The following TMEM17 variants were observed in gnomAD, a reference collection of about 807,000 sequenced individuals.
TMEM17 encodes the protein transmembrane protein 17.
In TMEM17, 15 loss-of-function variants were observed where a neutral mutation model predicts 19.1. That is an observed-to-expected ratio of 0.78 (90% confidence interval 0.52 to 1.21). The LOEUF is 1.21. Among genes scored for constraint, TMEM17 ranks in the 50% most tolerant of loss-of-function variants. The pLI is 0.00. For synonymous variants in TMEM17, 103 were observed against 86.9 expected, an observed-to-expected ratio of 1.19 and a Z score of -1.03; for missense variants, 245 against 242.3, an observed-to-expected ratio of 1.01 and a Z score of -0.07.
the TMEM17 span, among the ~76,000 whole-genome samples, chr2:62,458,632 G>A: frequency 1.3e-5 from 2 of 152,214 alleles, no homozygotes; most frequent in Admixed American, 6.5e-5. Context: ...TGGCTCTGGC[G>A]ATTCAGACCG....
chr2:62,461,555 T>C, the TMEM17 span, among the ~76,000 whole-genome samples: 4 of 152,034 alleles, frequency 2.6e-5, no homozygotes, highest in African/African-American at 7.3e-5. Flanking sequence ...AGGTACCTGG[T>C]TTTTTGCAGG....
chr2:62,478,221 C>T, the TMEM17 span, among the ~76,000 whole-genome samples: 1 of 152,168 alleles, frequency 6.6e-6, no homozygotes, highest in South Asian at 2.1e-4. Context: ...TGAGGGATGC[C>T]TTGACGGAGC....
intron 1 of TMEM17, among the ~76,000 whole-genome samples, chr2:62,505,188 T>TCC (rs1680031981): frequency 1.3e-5 from 2 of 152,184 alleles, no homozygotes; most frequent in South Asian, 4.2e-4. Flanking sequence ...GATTGATATT[T>TCC]CCCAGCAGAG....
At chr2:62,478,321 G>A in the TMEM17 span, among the ~76,000 whole-genome samples, 7 of 152,234 alleles carry the variant, frequency 4.6e-5, no homozygotes, top group South Asian at 4.1e-4. Flanking sequence ...TGCTTGTAAC[G>A]AGTTCCCTGC....
chr2:62,478,588 G>C, the TMEM17 span, among the ~76,000 whole-genome samples: 1 of 152,120 alleles, frequency 6.6e-6, no homozygotes, highest in African/African-American at 2.4e-5. Flanking sequence ...TCTTCCTTTT[G>C]GCTCAGGCAT....
intron 1 of TMEM17, 88 bp downstream of exon 1, chr2:62,505,942 T>C: frequency 7.9e-7 from 1 of 1,264,976 alleles, no homozygotes; most frequent in Non-Finnish European, 1.1e-6. Context: ...ACATCGCCAT[T>C]TTAGGTACGG....
chr2:62,460,641 A>G, the TMEM17 span, among the ~76,000 whole-genome samples: 2 of 152,234 alleles, frequency 1.3e-5, no homozygotes, highest in Non-Finnish European at 2.9e-5. Flanking sequence ...AGGCTATCAG[A>G]TAAACTTAAG....
the TMEM17 span, among the ~76,000 whole-genome samples, chr2:62,480,112 G>A: frequency 6.6e-6 from 1 of 152,100 alleles, no homozygotes; most frequent in Non-Finnish European, 1.5e-5. Context: ...TCTAACCGGA[G>A]TGAGATGATA....
chr2:62,462,201 C>A, the TMEM17 span, among the ~76,000 whole-genome samples: 1 of 152,198 alleles, frequency 6.6e-6, no homozygotes, highest in South Asian at 2.1e-4. Flanking sequence ...CCATAAACAC[C>A]CACATCACAC....
At chr2:62,456,073 A>T in the TMEM17 span, among the ~76,000 whole-genome samples, 2 of 152,128 alleles carry the variant, frequency 1.3e-5, no homozygotes, top group Admixed American at 1.3e-4. Context: ...TTTCCCTGGG[A>T]GGTGTAGAGG....
chr2:62,489,523 T>C, the TMEM17 span, among the ~76,000 whole-genome samples: 3 of 152,234 alleles, frequency 2.0e-5, no homozygotes. Context: ...TTCTTGTATT[T>C]TTGTTTTGTC....
At chr2:62,475,276 G>A in the TMEM17 span, among the ~76,000 whole-genome samples, 270 of 152,348 alleles carry the variant, frequency 1.8e-3, no homozygotes, top group African/African-American at 6.1e-3. Flanking sequence ...CCTCTGAGCC[G>A]CACCACAGGC....
Position 62,501,214 on chromosome 2 carries a change from T to C in TMEM17, c.592A>G (p.Ile198Val), listed in dbSNP as rs768343913. The C allele has an allele frequency of 6.2e-7, 1 of 1,613,296 alleles. No individual in the cohort carries two copies. The highest frequency in any genetic ancestry group is 1.7e-5 in the Admixed American group (1 of 59,956). ...MRRMRSCIEE[I>V] ...TTTCACTCAACAACACTGGATCAGA[T>C]CTCTTCTATACATGACCTCATCCTT... Residue 198 changes from isoleucine to valine, a missense_variant, in exon 4 of 4, where the codon ATC becomes GTC. By Grantham distance (29) the Ile-to-Val change is conservative. Transcript: ENST00000335390.
chr2:62,468,262 A>C, the TMEM17 span, among the ~76,000 whole-genome samples: 1 of 152,140 alleles, frequency 6.6e-6, no homozygotes, highest in East Asian at 1.9e-4. Context: ...GGGCTGAGCA[A>C]AGAGAGAAGG....
the TMEM17 span, among the ~76,000 whole-genome samples, chr2:62,483,993 C>T: frequency 6.6e-6 from 1 of 152,228 alleles, no homozygotes; most frequent in Non-Finnish European, 1.5e-5. Context: ...TTAAAATTTC[C>T]TGCCTTAGCT....
intron 3 of TMEM17, 181 bp downstream of exon 3, chr2:62,502,256 T>C: frequency 2.3e-6 from 1 of 440,906 alleles, no homozygotes; most frequent in Non-Finnish European, 4.1e-6. Context: ...TCATTTTATA[T>C]ATGAGGAAAC....
the TMEM17 span, among the ~76,000 whole-genome samples, chr2:62,470,929 G>A: frequency 3.3e-5 from 5 of 152,222 alleles, no homozygotes; most frequent in African/African-American, 1.2e-4. Context: ...TTTGGAGCAA[G>A]CAAAGCCTGT....
the TMEM17 span, among the ~76,000 whole-genome samples, chr2:62,471,473 ACTT>A: frequency 6.6e-6 from 1 of 152,208 alleles, no homozygotes; most frequent in Non-Finnish European, 1.5e-5. Context: ...TGTACTTCAA[ACTT>A]CTTGTTCAAA....
At chr2:62,457,852 G>A in the TMEM17 span, among the ~76,000 whole-genome samples, 1 of 151,080 alleles carries the variant, frequency 6.6e-6, no homozygotes, top group African/African-American at 2.5e-5. This position sits in a 1 kb window ranked among gnomAD's most constrained non-coding sequence, Gnocchi z 4.2. Context: ...GCTGAACCCA[G>A]GAACGGCTAT....
Sources: gnomAD v4.1 joint callset for allele counts (sites outside exome capture counted in the v4.1 genomes callset) on GRCh38, gnomAD v4.1.1 for gene constraint, Gnocchi (gnomAD v3.1) non-coding constraint, MANE v1.5 for transcripts, NCBI Gene and HGNC (gene_info 2026-07-23, HGNC 2026-07-21) for gene names.